The following ZFP64 variants were observed in gnomAD, a reference collection of about 807,000 sequenced individuals.
ZFP64 encodes the protein ZFP64 zinc finger protein.
ZFP64 carries 14 observed loss-of-function variants against 51.6 expected under a neutral mutation model. That is an observed-to-expected ratio of 0.27 (90% CI 0.18 to 0.42). The LOEUF (loss-of-function observed/expected upper bound fraction) is 0.42. Ranked by LOEUF, ZFP64 falls within the 10% of genes least tolerant of loss-of-function variation. ZFP64 has a pLI of 1.00. For synonymous variants in ZFP64, 375 were observed against 361.4 expected (o/e 1.04, Z -0.43); for missense variants, 754 against 906.8 (o/e 0.83, Z 2.16).
At position 52,088,391 on chromosome 20, in the gene ZFP64, C is replaced by T; in HGVS notation, c.1228+1G>A. The stretch of plus-strand genomic sequence containing the variant: ...TTGAGGTTTCCTGGTCAGGGACTCA[C>T]CCGTGTGAGATCGCAGGTGGACGGT... On this transcript the variant is annotated splice_donor_variant, in intron 8 of 8. Coordinates refer to the ZFP64 transcript ENST00000361387. LOFTEE classifies it high-confidence loss of function. The T allele has an allele frequency of 6.2e-7, 1 of 1,613,886 alleles. No individual in the cohort carries two copies. The highest frequency in any genetic ancestry group is 8.5e-7 in the Non-Finnish European group (1 of 1,180,036).
At chr20:52,129,333 T>C (rs1391418788) in intron 5 of ZFP64, among the ~76,000 whole-genome samples, 1 of 151,706 alleles carries the variant, frequency 6.6e-6, no homozygotes, top group Non-Finnish European at 1.5e-5. Flanking sequence ...TTTTTTTGTA[T>C]TTTTAGTAGA....
chr20:52,171,385 G>A (rs1432084545), intron 2 of ZFP64, among the ~76,000 whole-genome samples: 2 of 151,976 alleles, frequency 1.3e-5, no homozygotes, highest in Non-Finnish European at 2.9e-5. Flanking sequence ...GTATGTGTCT[G>A]TGTATGCGTA....
intron 5 of ZFP64, among the ~76,000 whole-genome samples, chr20:52,104,172 A>T (rs1568948728): frequency 1.3e-5 from 2 of 152,210 alleles, no homozygotes; most frequent in Admixed American, 1.3e-4. Context: ...ATCTAAGCAC[A>T]AGATAAGCAA....
At chr20:52,154,746 C>T (rs1600764977) in intron 5 of ZFP64, among the ~76,000 whole-genome samples, 1 of 152,222 alleles carries the variant, frequency 6.6e-6, no homozygotes, top group Non-Finnish European at 1.5e-5. Context: ...AGCCTATGGG[C>T]TAGATCCTGC....
At chr20:52,098,685 C>G in intron 5 of ZFP64, 1 of 1,499,750 alleles carries the variant, frequency 6.7e-7, no homozygotes, top group Non-Finnish European at 9.1e-7. Context: ...CTCCCTTCAC[C>G]TTTCCAGAAA....
At chr20:52,119,538 A>ATATATG (rs1403715183) in intron 5 of ZFP64, among the ~76,000 whole-genome samples, 7 of 87,494 alleles carry the variant, frequency 8.0e-5, no homozygotes, top group African/African-American at 3.1e-4. Flanking sequence ...AAAAAAATAT[A>ATATATG]TATATATATA....
At chr20:52,101,370 G>A (rs552945265) in intron 5 of ZFP64, among the ~76,000 whole-genome samples, 5 of 78,576 alleles carry the variant, frequency 6.4e-5, no homozygotes, top group African/African-American at 2.9e-4. Flanking sequence ...TGCGATTCCA[G>A]GGACTTGCGA....
At chr20:52,127,783 G>A (rs563707997) in intron 5 of ZFP64, among the ~76,000 whole-genome samples, 1 of 152,244 alleles carries the variant, frequency 6.6e-6, no homozygotes, top group African/African-American at 2.4e-5. Flanking sequence ...TGACTTTAAA[G>A]CAGTATTGTA....
At chr20:52,189,976 T>G (rs1293119874) in intron 1 of ZFP64, among the ~76,000 whole-genome samples, 1 of 152,206 alleles carries the variant, frequency 6.6e-6, no homozygotes, top group Non-Finnish European at 1.5e-5. Flanking sequence ...TTAGATAAAA[T>G]TATGCCTCAT....
In ZFP64 at chr20:52,160,429, A is replaced by G; in HGVS notation, c.512-55T>C. Reference sequence around the variant, plus strand: ...CAGGAAACAAGATTAAAAAAGGAAAAGGCTTATTTCCCACTGCCTTACGAA... The same window carrying G: ...CAGGAAACAAGATTAAAAAAGGAAAGGGCTTATTTCCCACTGCCTTACGAA... On this transcript the variant is annotated intron_variant, in intron 4 of 5. Transcript: ENST00000216923. This position sits in a 1 kb window ranked among gnomAD's most constrained non-coding sequence, Gnocchi z 4.2. The G allele has an allele frequency of 1.9e-6, 3 of 1,544,730 alleles. No individual in the cohort carries two copies. Among genetic ancestry groups the G allele is most frequent in the Non-Finnish European group, 2.6e-6 (3 of 1,148,592 alleles).
chr20:52,107,816 G>C (rs1313389299), intron 5 of ZFP64, among the ~76,000 whole-genome samples: 1 of 152,226 alleles, frequency 6.6e-6, no homozygotes, highest in Admixed American at 6.5e-5. Context: ...GAACAGTGCT[G>C]CTATGATCTT....
chr20:52,186,848 C>T lies in ZFP64; in HGVS notation c.270G>A (p.Glu90=), dbSNP rs910765431. The T allele has an allele frequency of 6.2e-7, 1 of 1,610,454 alleles. No homozygotes were observed. The highest frequency in any genetic ancestry group is 8.5e-7 in the Non-Finnish European group (1 of 1,177,068). The change falls in exon 2 of 6, where the codon GAG becomes GAA. Residue 90 remains glutamate (E), a synonymous_variant. Transcript: ENST00000216923. The part of the protein sequence containing the change: ...TQTTTRTITS[E]TQTITVSAPE... ...CAGCTGTACCTGTGATTGTCTGGGTCTCCGAGGTGATGGTTCTGGTGGTGG... is the reference window on the plus strand; with the variant it reads ...CAGCTGTACCTGTGATTGTCTGGGTTTCCGAGGTGATGGTTCTGGTGGTGG...
Position 52,191,584 on chromosome 20 carries a change from C to A in ZFP64, c.46+7G>T. ...GGAGCGCGCACTGCTCCCGGAAAAG[C>A]ACTTACTTTGCACCGAGCCCGCGAA... On this transcript the variant is annotated splice_region_variant and intron_variant, in intron 1 of 5. Coordinates refer to ENST00000216923, the MANE Select transcript of ZFP64 (RefSeq NM_018197.3). The surrounding 1 kb of genome is among the most constrained non-coding windows in gnomAD (Gnocchi z 4.3). 6.3e-7 allele frequency: 1 copy of A among 1,579,144 alleles called. No homozygotes were observed. Among genetic ancestry groups the A allele is most frequent in the Non-Finnish European group, 8.6e-7 (1 of 1,166,238 alleles).
At chr20:52,109,109 G>T (rs1978410633) in intron 5 of ZFP64, among the ~76,000 whole-genome samples, 1 of 151,894 alleles carries the variant, frequency 6.6e-6, no homozygotes, top group African/African-American at 2.4e-5. Context: ...ATTGTACCTG[G>T]AACAAATGGA....
At chr20:52,144,816 A>T (rs79956068) in intron 5 of ZFP64, among the ~76,000 whole-genome samples, 2 of 152,146 alleles carry the variant, frequency 1.3e-5, no homozygotes, top group African/African-American at 4.8e-5. Context: ...AAAATATTTT[A>T]AAAAGAAAGT....
At chr20:52,117,641 A>G in intron 5 of ZFP64, 1 of 456,568 alleles carries the variant, frequency 2.2e-6, no homozygotes, top group Non-Finnish European at 4.4e-6. Context: ...AACAAAACAC[A>G]AAAAAGAAGA....
intron 2 of ZFP64, among the ~76,000 whole-genome samples, chr20:52,181,773 G>A (rs926279477): frequency 6.6e-6 from 1 of 152,178 alleles, no homozygotes; most frequent in Non-Finnish European, 1.5e-5. Flanking sequence ...GTGGAGCCCG[G>A]GCACCGGTAT....
Position 52,153,095 on chromosome 20 carries a change from C to A in ZFP64, c.1097G>T (p.Cys366Phe). The change falls in exon 6 of 6, where the codon TGC (cysteine) becomes TTC (phenylalanine). Residue 366 changes from cysteine to phenylalanine, a missense_variant. Around this residue, in one of 3 missense-constraint regions of ZFP64, gnomAD observed 428 missense variants for 472.4 expected, o/e 0.91. Transcript: ENST00000216923. This position sits in a 1 kb window ranked among gnomAD's most constrained non-coding sequence, Gnocchi z 5.1. ...AALRIHERIH[C>F]TDRPFKCNYC... The stretch of plus-strand genomic sequence containing the variant: ...GTTGCACTTGAAAGGGCGGTCGGTG[C>A]AGTGGATACGCTCGTGGATGCGCAG... The A allele has an allele frequency of 6.2e-7, 1 of 1,614,222 alleles. No homozygotes were observed. Among genetic ancestry groups the A allele is most frequent in the Non-Finnish European group, 8.5e-7 (1 of 1,180,044 alleles).
chr20:52,121,255 G>T (rs910399564), intron 5 of ZFP64, among the ~76,000 whole-genome samples: 1 of 152,206 alleles, frequency 6.6e-6, no homozygotes, highest in African/African-American at 2.4e-5. Flanking sequence ...CAATGATTAA[G>T]CTTAGTGAGA....
Sources: allele counts gnomAD v4.1 joint callset (sites outside exome capture counted in the v4.1 genomes callset), GRCh38; gene constraint gnomAD v4.1.1; regional missense constraint gnomAD v4.1.1; non-coding constraint Gnocchi (gnomAD v3.1); transcripts MANE v1.5; gene names NCBI Gene and HGNC (gene_info 2026-07-23, HGNC 2026-07-21).